Variants in AGBL4 observed in about 807,000 individuals in gnomAD.
AGBL4 encodes AGBL carboxypeptidase 4.
AGBL4 carries 58 observed loss-of-function variants against 66.4 expected under a neutral mutation model. That is an observed-to-expected ratio of 0.87 (90% CI 0.71 to 1.09). AGBL4 has a LOEUF of 1.09. AGBL4 is among the 50% of genes least tolerant of loss of function. The pLI is 0.00. For synonymous variants in AGBL4, 234 were observed against 222.9 expected (o/e 1.05, Z -0.44); for missense variants, 579 against 631.0 (o/e 0.92, Z 0.88).
intron 2 of AGBL4, among the ~76,000 whole-genome samples, chr1:49,706,438 T>G (rs1647223593): frequency 6.6e-6 from 1 of 152,154 alleles, no homozygotes; most frequent in African/African-American, 2.4e-5. Flanking sequence ...TTCTTCTCTC[T>G]TTTCTTCTTT....
intron 2 of AGBL4, among the ~76,000 whole-genome samples, chr1:49,722,947 G>C (rs1466117619): frequency 6.6e-6 from 1 of 152,080 alleles, no homozygotes; most frequent in Non-Finnish European, 1.5e-5. Context: ...CTCAACTTGA[G>C]CTAAGTAATC....
chr1:49,683,713 A>G (rs937659643), intron 3 of AGBL4, among the ~76,000 whole-genome samples: 2 of 152,206 alleles, frequency 1.3e-5, no homozygotes, highest in Admixed American at 1.3e-4. Flanking sequence ...AGAAATACAG[A>G]AAGGCTTTCC....
intron 3 of AGBL4, among the ~76,000 whole-genome samples, chr1:49,549,782 A>G (rs892831785): frequency 6.6e-6 from 1 of 152,160 alleles, no homozygotes; most frequent in African/African-American, 2.4e-5. Flanking sequence ...TGTTCTGCAT[A>G]TATCTGTTAA....
At chr1:49,288,365 A>T (rs947264789) in intron 3 of AGBL4, among the ~76,000 whole-genome samples, 6 of 133,158 alleles carry the variant, frequency 4.5e-5, no homozygotes, top group Non-Finnish European at 6.4e-5. Context: ...AAAGTATAAT[A>T]AAAAAAAAAA....
chr1:49,102,085 T>G (rs887278171), intron 4 of AGBL4, among the ~76,000 whole-genome samples: 2 of 152,064 alleles, frequency 1.3e-5, no homozygotes, highest in African/African-American at 4.8e-5. Flanking sequence ...CAGTAGGTTT[T>G]AGCAGCAGAT....
chr1:49,859,289 G>C (rs1380874683), intron 1 of AGBL4, among the ~76,000 whole-genome samples: 2 of 152,112 alleles, frequency 1.3e-5, no homozygotes. Context: ...TAAACAAGAA[G>C]AAAACTAAAG....
intron 5 of AGBL4, among the ~76,000 whole-genome samples, chr1:48,893,534 A>T (rs1022763636): frequency 6.6e-6 from 1 of 151,708 alleles, no homozygotes; most frequent in Admixed American, 6.6e-5. Flanking sequence ...ACAAAAAAAA[A>T]ATTAGCTGGG....
chr1:48,745,688 T>G (rs1445917137), intron 6 of AGBL4, among the ~76,000 whole-genome samples: 1 of 152,192 alleles, frequency 6.6e-6, no homozygotes, highest in East Asian at 1.9e-4. Context: ...ATCTCTCCAA[T>G]GAGGCTGCCC....
At chr1:49,719,073 C>A (rs1486484517) in intron 2 of AGBL4, among the ~76,000 whole-genome samples, 1 of 152,022 alleles carries the variant, frequency 6.6e-6, no homozygotes, top group Non-Finnish European at 1.5e-5. Context: ...CCTCTGCAGC[C>A]TCTTTCAATT....
chr1:48,799,717 T>C (rs1645767006), intron 6 of AGBL4, among the ~76,000 whole-genome samples: 1 of 152,196 alleles, frequency 6.6e-6, no homozygotes. Context: ...AGATGCTGGA[T>C]TTTTTCAAAT....
intron 3 of AGBL4, among the ~76,000 whole-genome samples, chr1:49,684,870 C>A (rs1447914227): frequency 6.6e-6 from 1 of 152,128 alleles, no homozygotes; most frequent in Non-Finnish European, 1.5e-5. Flanking sequence ...ACACCCAGCC[C>A]AATTAAAAGT....
chr1:48,666,558 C>G (rs955252772), intron 6 of AGBL4, among the ~76,000 whole-genome samples: 1 of 152,208 alleles, frequency 6.6e-6, no homozygotes, highest in Non-Finnish European at 1.5e-5. Context: ...ACACCTTTGT[C>G]ACTATAACCC....
intron 6 of AGBL4, among the ~76,000 whole-genome samples, chr1:48,755,728 T>C (rs1469039897): frequency 6.6e-6 from 1 of 152,202 alleles, no homozygotes; most frequent in African/African-American, 2.4e-5. Flanking sequence ...CTTCAGACGC[T>C]AATCTCTCTC....
At chr1:49,636,765 T>C (rs1645680507) in intron 3 of AGBL4, among the ~76,000 whole-genome samples, 1 of 152,164 alleles carries the variant, frequency 6.6e-6, no homozygotes, top group Admixed American at 6.6e-5. Flanking sequence ...TTCAGGATAC[T>C]AGTGATGTTT....
chr1:48,581,562 T>A (rs1397463479), intron 11 of AGBL4, among the ~76,000 whole-genome samples: 3 of 152,348 alleles, frequency 2.0e-5, no homozygotes, highest in African/African-American at 7.2e-5. Flanking sequence ...TCCCTCTTTT[T>A]CAAATCGTTT....
intron 4 of AGBL4, among the ~76,000 whole-genome samples, chr1:49,063,086 T>A (rs1644431319): frequency 6.6e-6 from 1 of 152,194 alleles, no homozygotes; most frequent in Non-Finnish European, 1.5e-5. Flanking sequence ...ACCAGCCTCC[T>A]GAAATTTGGA....
chr1:49,685,609 A>C (rs1027861894), intron 3 of AGBL4, among the ~76,000 whole-genome samples: 3 of 152,172 alleles, frequency 2.0e-5, no homozygotes, highest in Non-Finnish European at 4.4e-5. Context: ...CTGGTGTGAC[A>C]TGATACCTCA....
At chr1:48,968,372 T>C (rs1019471841) in intron 5 of AGBL4, among the ~76,000 whole-genome samples, 1 of 152,126 alleles carries the variant, frequency 6.6e-6, no homozygotes, top group Non-Finnish European at 1.5e-5. Flanking sequence ...AATGAAATTA[T>C]AGGACTCTCA....
rs553175854 is a variant in AGBL4 at position 49,236,757 on chromosome 1, T to C, written c.377+9013A>G. Among the ~76,000 whole-genome samples, 4 of 152,278 alleles carry C rather than the reference T, an allele frequency of 2.6e-5. No individual in the cohort carries two copies. In the South Asian group the frequency reaches 8.3e-4, roughly 32 times the overall value. ...TAACCACCACCACAATCAAGATACA[T>C]AATTATCCCATTACCAAAAAATCTA... On this transcript the variant is annotated intron_variant, in intron 4 of 13. Coordinates refer to ENST00000371839, the MANE Select transcript of AGBL4 (RefSeq NM_032785.4).
Sources: allele counts gnomAD v4.1 joint callset (sites outside exome capture counted in the v4.1 genomes callset), GRCh38; gene constraint gnomAD v4.1.1; transcripts MANE v1.5; gene names NCBI Gene and HGNC (gene_info 2026-07-23, HGNC 2026-07-21).